The following CDKAL1 variants were observed in gnomAD, a reference collection of about 807,000 sequenced individuals.
The protein encoded by CDKAL1 is threonylcarbamoyladenosine tRNA methylthiotransferase.
In CDKAL1, 32 loss-of-function variants were observed where a neutral mutation model predicts 68.2. That is an observed-to-expected ratio of 0.47 (90% CI 0.35 to 0.63). The LOEUF (loss-of-function observed/expected upper bound fraction) is 0.63, where lower values mean the gene tolerates loss of function less well. Ranked by LOEUF, CDKAL1 falls within the 30% of genes least tolerant of loss-of-function variation. The probability of loss-of-function intolerance (pLI) is 0.00; values close to 1 mark genes in which losing one functional copy is unlikely to be tolerated. For missense variants in CDKAL1, 606 were observed against 696.7 expected (o/e 0.87, Z 1.47); for synonymous variants, 234 against 244.3 (o/e 0.96, Z 0.39).
intron 4 of CDKAL1, among the ~76,000 whole-genome samples, chr6:20,617,826 A>G (rs1163373727): frequency 6.6e-6 from 1 of 152,172 alleles, no homozygotes; most frequent in East Asian, 1.9e-4. Context: ...ATTGAAGGAC[A>G]TTTGGGTTGG....
chr6:20,719,350 CT>C (rs1562050745), intron 5 of CDKAL1, among the ~76,000 whole-genome samples: 1 of 152,228 alleles, frequency 6.6e-6, no homozygotes, highest in Admixed American at 6.5e-5. Flanking sequence ...ATTATTTGGT[CT>C]TTTTAGTGTC....
At chr6:20,547,913 A>C (rs1386801683) in intron 3 of CDKAL1, among the ~76,000 whole-genome samples, 1 of 152,198 alleles carries the variant, frequency 6.6e-6, no homozygotes, top group African/African-American at 2.4e-5. Context: ...GGAATCTGTA[A>C]ACAGACATAC....
chr6:21,117,171 A>G (rs76986391), intron 13 of CDKAL1, among the ~76,000 whole-genome samples: 13,798 of 151,906 alleles, frequency 0.091, 798 homozygotes, highest in African/African-American at 0.15. Flanking sequence ...TCTTATCCCC[A>G]TCCAGAGGAC....
intron 9 of CDKAL1, among the ~76,000 whole-genome samples, chr6:20,927,214 A>T (rs1475080460): frequency 6.6e-6 from 1 of 152,188 alleles, no homozygotes; most frequent in Non-Finnish European, 1.5e-5. Flanking sequence ...CTTTGGGAAG[A>T]ATACATTAAA....
At chr6:20,682,969 T>C (rs1211163380) in intron 5 of CDKAL1, among the ~76,000 whole-genome samples, 6 of 118,926 alleles carry the variant, frequency 5.0e-5, no homozygotes, top group East Asian at 2.5e-4. Flanking sequence ...TTTTTTTTTT[T>C]AGAGACAGGG....
chr6:20,932,494 A>G (rs551061002), intron 9 of CDKAL1, among the ~76,000 whole-genome samples: 21 of 152,170 alleles, frequency 1.4e-4, no homozygotes, highest in Non-Finnish European at 2.9e-4. Context: ...AAACAGAAGA[A>G]ACTTTGGTGT....
In CDKAL1 at chr6:21,061,146, A is replaced by G. The variant is rs537135566; in HGVS notation, c.1056-3902A>G. 1.1e-4 allele frequency among the ~76,000 whole-genome samples: 16 copies of G among 152,282 alleles called. No individual in the cohort carries two copies. The South Asian group carries it at 3.1e-3, about 30-fold the overall frequency. On this transcript the variant is annotated intron_variant, in intron 11 of 15. Transcript: ENST00000274695. Reference sequence around the variant, plus strand: ...CTTAAATTACAGGCTAGAGCCAACAAATAGTTTGCCTGTTCCTTACATGTC... The same window carrying G: ...CTTAAATTACAGGCTAGAGCCAACAGATAGTTTGCCTGTTCCTTACATGTC...
intron 10 of CDKAL1, among the ~76,000 whole-genome samples, chr6:20,974,361 G>C (rs904691772): frequency 2.0e-5 from 3 of 152,212 alleles, no homozygotes; most frequent in Non-Finnish European, 2.9e-5. Flanking sequence ...CAGCTTGGTG[G>C]TCAGAGGTGT....
At chr6:21,210,743 G>A (rs1412481347) in intron 15 of CDKAL1, among the ~76,000 whole-genome samples, 1 of 152,156 alleles carries the variant, frequency 6.6e-6, no homozygotes, top group African/African-American at 2.4e-5. Flanking sequence ...TATGGGTCAG[G>A]ATTCTTTGCA....
intron 4 of CDKAL1, among the ~76,000 whole-genome samples, chr6:20,567,807 A>G (rs1764519916): frequency 6.6e-6 from 1 of 151,544 alleles, no homozygotes; most frequent in Admixed American, 6.6e-5. Context: ...TTGAATTCCC[A>G]GGCTCAAGAG....
chr6:21,067,308 G>A (rs1771511684), intron 12 of CDKAL1, among the ~76,000 whole-genome samples: 1 of 152,154 alleles, frequency 6.6e-6, no homozygotes, highest in Non-Finnish European at 1.5e-5. Flanking sequence ...TTGAGTGCTT[G>A]GATTTTGGGT....
intron 9 of CDKAL1, among the ~76,000 whole-genome samples, chr6:20,904,614 A>AC (rs1274126016): frequency 6.6e-6 from 1 of 152,078 alleles, no homozygotes; most frequent in African/African-American, 2.4e-5. Flanking sequence ...ACATGGAGAA[A>AC]CCCCATCTCT....
intron 5 of CDKAL1, among the ~76,000 whole-genome samples, chr6:20,738,905 G>T (rs2150323466): frequency 6.6e-6 from 1 of 152,294 alleles, no homozygotes; most frequent in Non-Finnish European, 1.5e-5. Flanking sequence ...ATGTTTGTAT[G>T]TACAAAGCAC....
At chr6:21,142,774 C>T (rs1775982921) in intron 13 of CDKAL1, among the ~76,000 whole-genome samples, 1 of 152,192 alleles carries the variant, frequency 6.6e-6, no homozygotes, top group Admixed American at 6.5e-5. Context: ...TGTGCAAATT[C>T]AAGCAAGGCA....
intron 9 of CDKAL1, among the ~76,000 whole-genome samples, chr6:20,903,582 A>G (rs1159890116): frequency 6.6e-6 from 1 of 152,182 alleles, no homozygotes; most frequent in East Asian, 1.9e-4. Context: ...TTTTCTATAT[A>G]CTTGAACACA....
At chr6:20,892,858 T>A (rs6916036) in intron 9 of CDKAL1, among the ~76,000 whole-genome samples, 4,601 of 152,308 alleles carry the variant, frequency 0.03, 222 homozygotes, top group African/African-American at 0.1. Context: ...TCTGATCAGA[T>A]TGGTTAAATT....
chr6:20,902,795 G>C (rs1277833207), intron 9 of CDKAL1, among the ~76,000 whole-genome samples: 1 of 152,172 alleles, frequency 6.6e-6, no homozygotes, highest in Non-Finnish European at 1.5e-5. Context: ...ACAGAAGAAT[G>C]GTTATTGGTA....
At position 21,154,122 on chromosome 6, in the gene CDKAL1, G is replaced by A. The variant is rs115642422; in HGVS notation, c.1300-43899G>A. ...AATCTCAAAAGTGCATTTTAAACAG[G>A]TTGTCATGGTGATTAAATTAATGCA... On this transcript the variant is annotated intron_variant, in intron 13 of 15. Transcript: ENST00000274695. Among the ~76,000 whole-genome samples, 1,163 of 152,300 alleles carry A rather than the reference G, an allele frequency of 7.6e-3. 19 individuals are homozygous for A. The highest frequency in any genetic ancestry group is 0.025 in the African/African-American group (1,049 of 41,564).
chr6:21,031,339 G>A (rs1038380071), intron 11 of CDKAL1, among the ~76,000 whole-genome samples: 1 of 151,096 alleles, frequency 6.6e-6, no homozygotes, highest in East Asian at 2.0e-4. Context: ...TGCTTGCAAC[G>A]GGGAAAAACA....
Sources: allele counts gnomAD v4.1 joint callset (sites outside exome capture counted in the v4.1 genomes callset), GRCh38; gene constraint gnomAD v4.1.1; transcripts MANE v1.5; gene names NCBI Gene and HGNC (gene_info 2026-07-23, HGNC 2026-07-21).